Variants in KAT8 observed in about 807,000 individuals in gnomAD.
KAT8 encodes lysine acetyltransferase 8.
KAT8 carries 40 observed loss-of-function variants against 62.9 expected under a neutral mutation model. That is an observed-to-expected ratio of 0.64 (90% CI 0.49 to 0.83). The LOEUF is 0.83. Ranked by LOEUF, KAT8 falls within the 40% of genes least tolerant of loss-of-function variation. The probability of loss-of-function intolerance (pLI) is 0.00; values close to 1 mark genes in which losing one functional copy is unlikely to be tolerated. For synonymous variants in KAT8, 278 were observed against 254.5 expected (o/e 1.09, Z -0.88); for missense variants, 387 against 614.8 (o/e 0.63, Z 3.92).
Position 31,130,480 on chromosome 16 carries a change from G to A in KAT8, c.1031G>A (p.Ser344Asn). ...GGTTATGAGCTCTCCAAGCTGGAGA[G>A]CACAGTCGGCTCCCCGGAGAAGCCA... ...AFSYELSKLE[S>N]TVGSPEKPLS... The change falls in exon 9 of 11, where the codon AGC becomes AAC. Residue 344 changes from serine to asparagine, a missense_variant. Physicochemically the swap from Ser to Asn is conservative, Grantham distance 46. Coordinates refer to ENST00000219797, the MANE Select transcript of KAT8 (RefSeq NM_032188.3). The A allele has an allele frequency of 1.9e-6, 3 of 1,614,116 alleles. No homozygotes were observed. The highest frequency in any genetic ancestry group is 2.5e-6 in the Non-Finnish European group (3 of 1,179,970).
intron 1 of KAT8, chr16:31,118,335 C>T (rs951858003): frequency 6.4e-6 from 1 of 156,542 alleles, no homozygotes; most frequent in African/African-American, 2.4e-5. Context: ...TCAAAATTAA[C>T]CCCAAACTCC....
Position 31,120,334 on chromosome 16 carries a change from T to TA in KAT8, c.287-4dup. ...TGGCAGCACTCTTATGGCCCATACT[T>TA]ACAGTTAACCGGCGGCTGGACGAGT... On this transcript the variant is annotated splice_polypyrimidine_tract_variant and splice_region_variant and intron_variant, in intron 2 of 10. Transcript: ENST00000219797. 1 of 1,613,906 alleles carries TA rather than the reference T, an allele frequency of 6.2e-7. No individual in the cohort carries two copies. Among genetic ancestry groups the TA allele is most frequent in the South Asian group, 1.1e-5 (1 of 91,084 alleles).
rs772288818 is a variant in KAT8 at position 31,130,453 on chromosome 16, C to T, written c.1007-3C>T. 5 of 1,614,138 alleles carry T rather than the reference C, an allele frequency of 3.1e-6. No homozygotes were observed. Among genetic ancestry groups the T allele is most frequent in the Non-Finnish European group, 4.2e-6 (5 of 1,179,980 alleles). On this transcript the variant is annotated splice_polypyrimidine_tract_variant and splice_region_variant and intron_variant, in intron 8 of 10. Coordinates refer to ENST00000219797, the MANE Select transcript of KAT8 (RefSeq NM_032188.3). Reference sequence around the variant, plus strand: ...CCTAAGTTCCTCTTTCTACTGCTGCCAGGTTATGAGCTCTCCAAGCTGGAG... The same window carrying T: ...CCTAAGTTCCTCTTTCTACTGCTGCTAGGTTATGAGCTCTCCAAGCTGGAG...
chr16:31,122,084 G>A (rs1193276056), intron 3 of KAT8, among the ~76,000 whole-genome samples: 1 of 152,184 alleles, frequency 6.6e-6, no homozygotes, highest in Non-Finnish European at 1.5e-5. Flanking sequence ...AAAATCAGGA[G>A]TGCACACCAG....
intron 3 of KAT8, chr16:31,121,225 A>G (rs536599380): frequency 2.0e-5 from 3 of 151,556 alleles, no homozygotes; most frequent in Non-Finnish European, 4.4e-5. Flanking sequence ...GGTTCAAGCA[A>G]TTTTCCTGTC....
Position 31,131,323 on chromosome 16 carries a change from C to T in KAT8, c.*64C>T, listed in dbSNP as rs977744357. ...TCCCAGCCTGTAAATATGTATAGAC[C>T]TGTTTTGTCATTTTTTTAATAAAGT... is the stretch of plus-strand genomic sequence containing the variant. On this transcript the variant is annotated 3_prime_UTR_variant, in exon 11 of 11. Transcript: ENST00000219797. 6.3e-7 allele frequency: 1 copy of T among 1,579,634 alleles called. No individual in the cohort carries two copies. The highest frequency in any genetic ancestry group is 2.3e-5 in the East Asian group (1 of 43,548).
intron 3 of KAT8, chr16:31,126,036 A>G (rs2057529458): frequency 1.3e-5 from 2 of 152,280 alleles, no homozygotes; most frequent in African/African-American, 4.8e-5. Context: ...GGGGGTGGTA[A>G]GAATCTCAAG....
At position 31,127,056 on chromosome 16, in the gene KAT8, A is replaced by G; in HGVS notation, c.484A>G (p.Thr162Ala). The G allele has an allele frequency of 6.2e-7, 1 of 1,614,040 alleles. No homozygotes were observed. The highest frequency in any genetic ancestry group is 1.1e-5 in the South Asian group (1 of 91,084). The change falls in exon 4 of 11, where the codon ACC (threonine) becomes GCC (alanine). Residue 162 changes from threonine to alanine, a missense_variant. Around this residue, in one of 6 missense-constraint regions of KAT8, gnomAD observed 8 missense variants for 57.0 expected, o/e 0.14. Transcript: ENST00000219797. ...CCAGACTTATGCAGAGATGGACCCCACCACAGCAGCCTTGGAGAAGGAGCA... is the reference window on the plus strand; with the variant it reads ...CCAGACTTATGCAGAGATGGACCCCGCCACAGCAGCCTTGGAGAAGGAGCA... ...VQKTYAEMDP[T>A]TAALEKEHEA... is the part of the protein sequence containing the mutation.
intron 7 of KAT8, 27 bp from the exon 8 acceptor site, chr16:31,130,240 G>A: frequency 6.2e-7 from 1 of 1,613,798 alleles, no homozygotes; most frequent in Non-Finnish European, 8.5e-7. Flanking sequence ...AGCCTCCCCA[G>A]CGGCCCTGAG....
chr16:31,130,400 G>T (rs768481395), intron 8 of KAT8, 40 bp downstream of exon 8: 1 of 1,614,008 alleles, frequency 6.2e-7, no homozygotes, highest in African/African-American at 1.3e-5. Flanking sequence ...GGAGACCTGT[G>T]GGGCAGGGGT....
chr16:31,131,333 A>AT lies in KAT8; in HGVS notation c.*81dup, dbSNP rs1056200828. ...TAAATATGTATAGACCTGTTTTGTCATTTTTTTAATAAAGTCAGTTCTGGT... is the reference window on the plus strand; with the variant it reads ...TAAATATGTATAGACCTGTTTTGTCATTTTTTTTAATAAAGTCAGTTCTGGT... On this transcript the variant is annotated 3_prime_UTR_variant, in exon 11 of 11. Coordinates refer to ENST00000219797, the MANE Select transcript of KAT8 (RefSeq NM_032188.3). The AT allele has an allele frequency of 1.2e-5, 19 of 1,553,896 alleles. No homozygotes were observed. Among genetic ancestry groups the AT allele is most frequent in the Admixed American group, 1.1e-4 (6 of 56,446 alleles).
At chr16:31,123,452 G>A (rs1484485081) in intron 3 of KAT8, among the ~76,000 whole-genome samples, 22 of 151,866 alleles carry the variant, frequency 1.4e-4, no homozygotes, top group South Asian at 2.1e-4. Flanking sequence ...CAACTGATCC[G>A]CCTGCCTCGG....
At chr16:31,119,362 A>G (rs1177123916) in intron 1 of KAT8, among the ~76,000 whole-genome samples, 2 of 152,040 alleles carry the variant, frequency 1.3e-5, no homozygotes, top group African/African-American at 4.8e-5. Flanking sequence ...GTTGGCCAGG[A>G]TGGTTTTGAC....
chr16:31,127,927 A>G (rs1200166997), intron 5 of KAT8, 123 bp from the exon 6 acceptor site: 3 of 702,272 alleles, frequency 4.3e-6, no homozygotes, highest in African/African-American at 1.7e-5. Context: ...TACTCGATGT[A>G]GGTGAAGTGT....
chr16:31,120,429 A>G lies in KAT8; in HGVS notation c.377A>G (p.Tyr126Cys), dbSNP rs2057484941. ...KDAVQKNSEKYLSELAEQPER... is the reference protein window; with the variant it reads ...KDAVQKNSEKCLSELAEQPER... The stretch of plus-strand genomic sequence containing the variant: ...GCTGTACAGAAGAACTCAGAGAAGT[A>G]CCTGAGCGAGCTCGCAGAGCAGCCT... The change falls in exon 3 of 11, where the codon TAC becomes TGC. Residue 126 changes from tyrosine (Y) to cysteine (C), a missense_variant. Physicochemically the swap from Tyr to Cys is radical, Grantham distance 194. Coordinates refer to ENST00000219797, the MANE Select transcript of KAT8 (RefSeq NM_032188.3). The G allele has an allele frequency of 6.2e-7, 1 of 1,613,998 alleles. No homozygotes were observed.
At chr16:31,124,626 G>C (rs1273592491) in intron 3 of KAT8, among the ~76,000 whole-genome samples, 1 of 151,980 alleles carries the variant, frequency 6.6e-6, no homozygotes, top group Non-Finnish European at 1.5e-5. Flanking sequence ...CCAGCTACTT[G>C]GGAGGCTGGG....
intron 3 of KAT8, among the ~76,000 whole-genome samples, chr16:31,123,043 C>T (rs866505450): frequency 4.6e-5 from 7 of 151,938 alleles, no homozygotes; most frequent in South Asian, 4.1e-4. Context: ...ATTAGCCGGG[C>T]GTGGTGGTGC....
At chr16:31,128,509 T>A (rs2057549634) in intron 6 of KAT8, among the ~76,000 whole-genome samples, 1 of 151,742 alleles carries the variant, frequency 6.6e-6, no homozygotes, top group Admixed American at 6.6e-5. Flanking sequence ...TGTGCCACTG[T>A]ACTCCAGCCT....
intron 1 of KAT8, among the ~76,000 whole-genome samples, chr16:31,119,749 C>T (rs184647071): frequency 7.2e-5 from 11 of 152,172 alleles, no homozygotes; most frequent in Admixed American, 7.2e-4. Flanking sequence ...AGCAATTCTC[C>T]TGCCTCAGCC....
Sources: allele counts gnomAD v4.1 joint callset (sites outside exome capture counted in the v4.1 genomes callset), GRCh38; gene constraint gnomAD v4.1.1; regional missense constraint gnomAD v4.1.1; transcripts MANE v1.5; gene names NCBI Gene and HGNC (gene_info 2026-07-23, HGNC 2026-07-21).